The following NRG1 variants were observed in gnomAD, a reference collection of about 807,000 sequenced individuals.
NRG1 encodes the protein pro-neuregulin-1, membrane-bound isoform.
In NRG1, 18 loss-of-function variants were observed where a neutral mutation model predicts 63.8. The ratio of observed to expected loss-of-function variants is 0.28; its 90% CI spans 0.19 to 0.42. NRG1 has a LOEUF of 0.42. Ranked by LOEUF, NRG1 falls within the 10% of genes least tolerant of loss-of-function variation. NRG1 has a pLI of 1.00. For synonymous variants in NRG1, 302 were observed against 301.3 expected (o/e 1.00, Z -0.02); for missense variants, 762 against 814.7 (o/e 0.94, Z 0.79).
At chr8:31,744,227 C>A (rs947451669) in intron 1 of NRG1, among the ~76,000 whole-genome samples, 1 of 151,914 alleles carries the variant, frequency 6.6e-6, no homozygotes, top group Non-Finnish European at 1.5e-5. Flanking sequence ...TGTCCTGACC[C>A]TGTTCAAGGA....
At chr8:32,396,774 T>C (rs1263854908) in intron 1 of NRG1, among the ~76,000 whole-genome samples, 1 of 152,222 alleles carries the variant, frequency 6.6e-6, no homozygotes, top group Non-Finnish European at 1.5e-5. Context: ...TTGATGCTAT[T>C]ATTAATGACA....
intron 1 of NRG1, among the ~76,000 whole-genome samples, chr8:31,738,747 GTTTGCT>G: frequency 6.6e-6 from 1 of 152,086 alleles, no homozygotes; most frequent in East Asian, 1.9e-4. Context: ...AATCCTTGGT[GTTTGCT>G]GGCTTGTAGC....
At chr8:32,762,357 A>G (rs1048739892) in intron 11 of NRG1, among the ~76,000 whole-genome samples, 1 of 152,166 alleles carries the variant, frequency 6.6e-6, no homozygotes, top group Non-Finnish European at 1.5e-5. Context: ...ACATTTCCCC[A>G]CTGTGCTGGG....
At chr8:32,639,135 G>C (rs1439910112) in intron 5 of NRG1, among the ~76,000 whole-genome samples, 1 of 152,160 alleles carries the variant, frequency 6.6e-6, no homozygotes, top group Non-Finnish European at 1.5e-5. Flanking sequence ...GCCAGGCGTG[G>C]TGGCTCATGC....
chr8:32,556,872 A>G (rs890332524), intron 1 of NRG1, among the ~76,000 whole-genome samples: 15 of 152,370 alleles, frequency 9.8e-5, no homozygotes, highest in Admixed American at 7.8e-4. Flanking sequence ...ATCTAAAACC[A>G]GCCTTTACAA....
At chr8:31,723,093 G>T (rs1347827670) in intron 1 of NRG1, among the ~76,000 whole-genome samples, 2 of 152,152 alleles carry the variant, frequency 1.3e-5, no homozygotes, top group African/African-American at 4.8e-5. Context: ...TAGTAAAACT[G>T]CTTAAGAACT....
At chr8:31,799,871 A>T (rs1272027498) in intron 1 of NRG1, among the ~76,000 whole-genome samples, 2 of 152,122 alleles carry the variant, frequency 1.3e-5, no homozygotes, top group Non-Finnish European at 2.9e-5. Context: ...CATGTATTAA[A>T]ATTTAATTTA....
At chr8:32,206,958 CCTGA>C (rs2132342915) in intron 1 of NRG1, among the ~76,000 whole-genome samples, 1 of 152,208 alleles carries the variant, frequency 6.6e-6, no homozygotes, top group Admixed American at 6.5e-5. Flanking sequence ...AAAAATTATG[CCTGA>C]CTAAAATGAC....
At chr8:31,868,451 C>T (rs941439239) in intron 1 of NRG1, among the ~76,000 whole-genome samples, 21 of 152,150 alleles carry the variant, frequency 1.4e-4, no homozygotes, top group Admixed American at 1.0e-3. Context: ...CCTCTGATTG[C>T]GTAGTAATTC....
chr8:31,993,433 G>A (rs556447089), intron 1 of NRG1, among the ~76,000 whole-genome samples: 6 of 152,094 alleles, frequency 3.9e-5, no homozygotes, highest in Admixed American at 2.0e-4. Flanking sequence ...ACGTGTCAAG[G>A]TTGGTGCCAG....
At chr8:32,099,883 A>T (rs567850916) in intron 1 of NRG1, 1 of 152,360 alleles carries the variant, frequency 6.6e-6, no homozygotes, top group African/African-American at 2.4e-5. Context: ...ACAACCTGCT[A>T]CCATAGTAAA....
intron 1 of NRG1, among the ~76,000 whole-genome samples, chr8:32,485,543 T>C (rs1432011754): frequency 6.6e-6 from 1 of 152,224 alleles, no homozygotes; most frequent in Non-Finnish European, 1.5e-5. Flanking sequence ...CCCTGTCTTT[T>C]TTATTTCATA....
intron 1 of NRG1, among the ~76,000 whole-genome samples, chr8:31,856,436 G>T (rs1827879750): frequency 6.6e-6 from 1 of 152,078 alleles, no homozygotes; most frequent in South Asian, 2.1e-4. Flanking sequence ...TCTTCACGTA[G>T]TTCTCGAGCC....
intron 1 of NRG1, among the ~76,000 whole-genome samples, chr8:32,153,190 G>T (rs1837689553): frequency 6.6e-6 from 1 of 152,132 alleles, no homozygotes; most frequent in Non-Finnish European, 1.5e-5. Context: ...GAAGCAGAAG[G>T]CCGGTGGGAG....
At chr8:31,873,934 A>C (rs28737426) in intron 1 of NRG1, among the ~76,000 whole-genome samples, 81,582 of 151,938 alleles carry the variant, frequency 0.54, 22,428 homozygotes, top group East Asian at 0.75. Flanking sequence ...TAAGTTACAG[A>C]TTTTTACTTT....
intron 1 of NRG1, among the ~76,000 whole-genome samples, chr8:32,489,352 C>A (rs1246239864): frequency 6.6e-6 from 1 of 152,160 alleles, no homozygotes; most frequent in East Asian, 1.9e-4. Flanking sequence ...CTCCTGGGAC[C>A]TTATCGGGAA....
intron 1 of NRG1, among the ~76,000 whole-genome samples, chr8:32,504,091 T>A (rs946785299): frequency 3.9e-5 from 6 of 152,192 alleles, no homozygotes; most frequent in Non-Finnish European, 8.8e-5. Context: ...CATTTTGCCT[T>A]TTAGTGCCAT....
intron 1 of NRG1, among the ~76,000 whole-genome samples, chr8:31,882,255 A>G (rs1830401369): frequency 6.9e-6 from 1 of 144,432 alleles, no homozygotes; most frequent in South Asian, 2.3e-4. Flanking sequence ...CTAAGCCTGG[A>G]TGCCAGCACA....
At chr8:32,399,844 G>A (rs1812939559) in intron 1 of NRG1, among the ~76,000 whole-genome samples, 1 of 152,166 alleles carries the variant, frequency 6.6e-6, no homozygotes, top group Admixed American at 6.5e-5. Flanking sequence ...TTCCAGAAGT[G>A]TTAAATTTTC....
Sources: allele counts gnomAD v4.1 joint callset (sites outside exome capture counted in the v4.1 genomes callset), GRCh38; gene constraint gnomAD v4.1.1; transcripts MANE v1.5; gene names NCBI Gene and HGNC (gene_info 2026-07-23, HGNC 2026-07-21).